IL13RA1: variants seen among roughly 807,000 people sequenced by gnomAD.
IL13RA1 encodes interleukin-13 receptor subunit alpha-1.
Under a neutral mutation model 33.8 loss-of-function variants are expected in IL13RA1, and 14 were observed. The observed-to-expected ratio is 0.41, with a 90% CI of 0.27 to 0.65. The LOEUF (loss-of-function observed/expected upper bound fraction) is 0.65. Ranked by LOEUF, IL13RA1 falls within the 30% of genes least tolerant of loss-of-function variation. The pLI, the probability that IL13RA1 is intolerant of heterozygous loss-of-function variation, is 0.28. For missense variants in IL13RA1, 313 were observed against 327.0 expected, an observed-to-expected ratio of 0.96 and a Z score of 0.33; for synonymous variants, 116 against 115.7, an observed-to-expected ratio of 1.00 and a Z score of -0.02.
intron 1 of IL13RA1, among the ~76,000 whole-genome samples, chrX:118,733,672 G>A (rs754042411): frequency 4.5e-5 from 5 of 111,688 alleles, no homozygotes. Context: ...CATTGTTGGT[G>A]TCATATCCAA....
At chrX:118,796,188 C>G (rs372309953), downstream of IL13RA1, among the ~76,000 whole-genome samples, 1 of 112,392 alleles carries the variant, frequency 8.9e-6, no homozygotes, top group African/African-American at 3.2e-5. Context: ...CTGAGTGGCT[C>G]CTATGTGCCG....
At chrX:118,802,429 A>G in the IL13RA1 span, among the ~76,000 whole-genome samples, 1 of 112,454 alleles carries the variant, frequency 8.9e-6, no homozygotes, top group African/African-American at 3.2e-5. Context: ...CAGTCAGGTC[A>G]GATGCTGGCT....
At chrX:118,740,784 A>T (rs1039738291) in intron 1 of IL13RA1, among the ~76,000 whole-genome samples, 2 of 112,258 alleles carry the variant, frequency 1.8e-5, no homozygotes, top group African/African-American at 3.2e-5. Context: ...TTCTATCTCA[A>T]AAAACAACAA....
chrX:118,777,715 A>T (rs2017801603), intron 10 of IL13RA1, among the ~76,000 whole-genome samples: 1 of 112,100 alleles, frequency 8.9e-6, no homozygotes, highest in Non-Finnish European at 1.9e-5. Context: ...GCAGATTCTC[A>T]TGCTAGAATT....
intron 6 of IL13RA1, among the ~76,000 whole-genome samples, chrX:118,765,686 T>A (rs1158763694): frequency 4.5e-5 from 5 of 112,137 alleles, no homozygotes; most frequent in African/African-American, 1.6e-4. Flanking sequence ...CATATGTGGG[T>A]CATAAGGTTA....
intron 9 of IL13RA1, 135 bp downstream of exon 9, chrX:118,774,110 A>T: frequency 4.9e-6 from 2 of 409,269 alleles, no homozygotes; most frequent in Non-Finnish European, 8.4e-6. Flanking sequence ...CGGGAGTATG[A>T]CATGACAAGG....
intron 3 of IL13RA1, among the ~76,000 whole-genome samples, chrX:118,747,355 G>T (rs901950941): frequency 9.2e-6 from 1 of 108,808 alleles, no homozygotes; most frequent in East Asian, 2.9e-4. Context: ...ATGCACGCGC[G>T]CGCACACACA....
intron 8 of IL13RA1, among the ~76,000 whole-genome samples, chrX:118,769,555 T>A (rs2017687434): frequency 8.8e-6 from 1 of 112,996 alleles, no homozygotes; most frequent in Non-Finnish European, 1.9e-5. Flanking sequence ...TAATAGTAGT[T>A]GTTAGGATTA....
chrX:118,748,564 T>G (rs914927996), intron 3 of IL13RA1, among the ~76,000 whole-genome samples: 1 of 109,581 alleles, frequency 9.1e-6, no homozygotes, highest in Non-Finnish European at 1.9e-5. Flanking sequence ...GAGAATCGCT[T>G]GAACCTGGGA....
chrX:118,785,117 G>T (rs1400073396), intron 10 of IL13RA1, among the ~76,000 whole-genome samples: 6 of 109,096 alleles, frequency 5.5e-5, no homozygotes. Flanking sequence ...TTTTGTTTTG[G>T]CACAGGGTCT....
At chrX:118,783,181 A>G (rs950881210) in intron 10 of IL13RA1, among the ~76,000 whole-genome samples, 1 of 111,867 alleles carries the variant, frequency 8.9e-6, no homozygotes, top group Non-Finnish European at 1.9e-5. Flanking sequence ...TATGCCTTTA[A>G]ATTATAAAAA....
At chrX:118,752,486 C>T (rs754142394) in intron 4 of IL13RA1, among the ~76,000 whole-genome samples, 2 of 112,143 alleles carry the variant, frequency 1.8e-5, no homozygotes, top group Non-Finnish European at 3.8e-5. Context: ...TTATTTCAGC[C>T]CAGACACCAT....
downstream of IL13RA1, among the ~76,000 whole-genome samples, chrX:118,799,427 G>A: frequency 8.8e-6 from 1 of 113,367 alleles, no homozygotes; most frequent in Non-Finnish European, 1.9e-5. Flanking sequence ...TCCTGAGTCT[G>A]GTGGGGACGT....
At chrX:118,775,519 T>C (rs1445408882) in intron 9 of IL13RA1, among the ~76,000 whole-genome samples, 2 of 111,665 alleles carry the variant, frequency 1.8e-5, no homozygotes, top group Non-Finnish European at 3.8e-5. Flanking sequence ...TTGCAGTGTT[T>C]TGGCAGAAAG....
intron 1 of IL13RA1, among the ~76,000 whole-genome samples, chrX:118,728,923 A>G (rs1244124884): frequency 1.8e-5 from 2 of 111,793 alleles, no homozygotes; most frequent in African/African-American, 3.3e-5. Flanking sequence ...AAGAAAACAA[A>G]TGTTGCTGAA....
chrX:118,767,098 C>T (rs955419619), intron 8 of IL13RA1, 122 bp downstream of exon 8: 6 of 374,952 alleles, frequency 1.6e-5, no homozygotes, highest in African/African-American at 1.6e-4. Flanking sequence ...AGAGTACTTA[C>T]AATTGAAATT....
downstream of IL13RA1, among the ~76,000 whole-genome samples, chrX:118,799,290 C>T (rs1046441729): frequency 8.8e-6 from 1 of 113,122 alleles, no homozygotes; most frequent in African/African-American, 3.2e-5. Flanking sequence ...AGCACTACCC[C>T]CTGCTCCACG....
At chrX:118,742,333 G>T (rs938175947) in intron 2 of IL13RA1, among the ~76,000 whole-genome samples, 1 of 112,051 alleles carries the variant, frequency 8.9e-6, no homozygotes, top group Admixed American at 9.5e-5. Context: ...ACATACTGTC[G>T]GCTTCCTCTT....
intron 2 of IL13RA1, among the ~76,000 whole-genome samples, chrX:118,742,136 T>C (rs1435578409): frequency 8.9e-6 from 1 of 112,261 alleles, no homozygotes; most frequent in Middle Eastern, 4.2e-3. Context: ...GGATGGAACA[T>C]GCTCTTCCTC....
Sources: allele counts gnomAD v4.1 joint callset (sites outside exome capture counted in the v4.1 genomes callset), GRCh38; gene constraint gnomAD v4.1.1; transcripts MANE v1.5; gene names NCBI Gene and HGNC (gene_info 2026-07-23, HGNC 2026-07-21).